LIF: variants seen among roughly 807,000 people sequenced by gnomAD.
LIF encodes leukemia inhibitory factor.
In LIF, 9 loss-of-function variants were observed where a neutral mutation model predicts 15.0. That is an observed-to-expected ratio of 0.60 (90% confidence interval 0.36 to 1.04). LIF has a LOEUF of 1.04. Among genes scored for constraint, LIF ranks in the 50% least tolerant of loss-of-function variants. LIF has a pLI of 0.01. For missense variants in LIF, 240 were observed against 266.7 expected, an observed-to-expected ratio of 0.90 and a Z score of 0.70; for synonymous variants, 122 against 119.7, an observed-to-expected ratio of 1.02 and a Z score of -0.13.
In LIF at chr22:30,244,049, C is replaced by T. The variant is rs1928778413; in HGVS notation, c.211G>A (p.Gly71Arg). 6.2e-7 allele frequency: 1 copy of T among 1,607,688 alleles called. No individual in the cohort carries two copies. Reference sequence around the variant, plus strand: ...TCCAGGTTGTTGGGGAACGGCTCCCCCTGGGCTGTGTACTGAGGGGCAGAA... The same window carrying T: ...TCCAGGTTGTTGGGGAACGGCTCCCTCTGGGCTGTGTACTGAGGGGCAGAA... Reference protein sequence around the residue: ...ALFILYYTAQGEPFPNNLDKL... With the variant: ...ALFILYYTAQREPFPNNLDKL... Residue 71 changes from glycine (G) to arginine (R), a missense_variant, in exon 3 of 3, where the codon GGG (glycine) becomes AGG (arginine). Coordinates refer to ENST00000249075, the MANE Select transcript of LIF (RefSeq NM_002309.5).
At chr22:30,246,352 G>T in intron 1 of LIF, 1 of 532,678 alleles carries the variant, frequency 1.9e-6, no homozygotes, top group Non-Finnish European at 2.7e-6. Context: ...AGTGAATCTG[G>T]GAGAAAGCGC....
In LIF at chr22:30,243,632, C is replaced by A; in HGVS notation, c.*19G>T. ...ACTCCTGAGATCCCTCGGTTCACAGCACACTTCAAGACCTCCTGCTAGAAG... is the reference window on the plus strand; with the variant it reads ...ACTCCTGAGATCCCTCGGTTCACAGAACACTTCAAGACCTCCTGCTAGAAG... On this transcript the variant is annotated 3_prime_UTR_variant, in exon 3 of 3. Transcript: ENST00000249075. This position sits in a 1 kb window ranked among gnomAD's most constrained non-coding sequence, Gnocchi z 6.0. 6.2e-7 allele frequency: 1 copy of A among 1,614,096 alleles called. No homozygotes were observed.
Position 30,246,703 on chromosome 22 carries a change from T to G in LIF, c.-8A>C. 4 of 1,557,390 alleles carry G rather than the reference T, an allele frequency of 2.6e-6. No individual in the cohort carries two copies. In the South Asian group the frequency reaches 3.5e-5, roughly 14 times the overall value. Reference sequence around the variant, plus strand: ...TGCCGCCAAGACCTTCATTATGGGCTGCACTTCAGAGGGCCTTGGAGGAAA... The same window carrying G: ...TGCCGCCAAGACCTTCATTATGGGCGGCACTTCAGAGGGCCTTGGAGGAAA... On this transcript the variant is annotated 5_prime_UTR_variant, in exon 1 of 3. Coordinates refer to ENST00000249075, the MANE Select transcript of LIF (RefSeq NM_002309.5).
chr22:30,244,693 C>T, intron 2 of LIF, 62 bp downstream of exon 2: 1 of 1,498,580 alleles, frequency 6.7e-7, no homozygotes. Context: ...CAGGACAGCC[C>T]CTAATGATAT....
intron 1 of LIF, 172 bp downstream of exon 1, chr22:30,246,505 G>A: frequency 7.8e-7 from 1 of 1,283,600 alleles, no homozygotes; most frequent in Non-Finnish European, 9.8e-7. Context: ...TTGGGACCAT[G>A]TGCCCGCGCT....
At chr22:30,246,237 T>G in intron 1 of LIF, 1 of 167,812 alleles carries the variant, frequency 6.0e-6, no homozygotes, top group Non-Finnish European at 1.2e-5. Flanking sequence ...CAGGCCGGAG[T>G]TTGCAAGCTG....
chr22:30,244,656 G>A, intron 2 of LIF, 99 bp downstream of exon 2: 1 of 1,142,846 alleles, frequency 8.8e-7, no homozygotes, highest in Non-Finnish European at 1.3e-6. Flanking sequence ...TCTCCTTCCA[G>A]CCCCAAAAGG....
rs199651506 is a variant in LIF at position 30,244,776 on chromosome 22, G to C, written c.177C>G (p.Ala59=). 453 of 1,614,172 alleles carry C rather than the reference G, an allele frequency of 2.8e-4. 2 individuals are homozygous for C. The East Asian group carries it at 7.7e-3, about 28-fold the overall frequency. ...TTACATAGAGAATAAAGAGGGCATT[G>C]GCACTGCCATTGAGCTGTGCCAGTT... ...RSQLAQLNGS[A]NALFILYYTA... Residue 59 remains alanine, a synonymous_variant, in exon 2 of 3, where the codon GCC becomes GCG. Coordinates refer to ENST00000249075, the MANE Select transcript of LIF (RefSeq NM_002309.5).
intron 1 of LIF, 181 bp downstream of exon 1, chr22:30,246,496 T>C (rs1928899839): frequency 3.1e-6 from 4 of 1,277,376 alleles, no homozygotes; most frequent in Non-Finnish European, 3.9e-6. Context: ...GTGCGGTGCT[T>C]GGGACCATGT....
chr22:30,246,307 G>A (rs1486162978), intron 1 of LIF: 1 of 364,894 alleles, frequency 2.7e-6, no homozygotes, highest in Non-Finnish European at 4.0e-6. Flanking sequence ...AGGAGAAAGC[G>A]GAAAGAAAGA....
At chr22:30,245,993 G>A (rs1319448523) in intron 1 of LIF, among the ~76,000 whole-genome samples, 1 of 152,240 alleles carries the variant, frequency 6.6e-6, no homozygotes, top group Non-Finnish European at 1.5e-5. Flanking sequence ...GTGGGGGCCG[G>A]GGTCAGCGGG....
At position 30,240,959 on chromosome 22, in the gene LIF, T is replaced by A. The variant is rs1258960886; in HGVS notation, c.*2692A>T. 6.6e-6 allele frequency: 1 copy of A among 152,164 alleles called. No homozygotes were observed. The highest frequency in any genetic ancestry group is 2.4e-5 in the African/African-American group (1 of 41,418). 9.4% of individuals were successfully genotyped at this position (152,164 alleles called of 1,614,324 possible). ...AAACTAGCAGTGCTTTTTAAAAAAATGTTTAAATAATAAATAAGGGCCCGG... is the reference window on the plus strand; with the variant it reads ...AAACTAGCAGTGCTTTTTAAAAAAAAGTTTAAATAATAAATAAGGGCCCGG... On this transcript the variant is annotated 3_prime_UTR_variant, in exon 3 of 3. Transcript: ENST00000249075.
At chr22:30,245,852 G>A (rs1480545463) in intron 1 of LIF, among the ~76,000 whole-genome samples, 1 of 152,208 alleles carries the variant, frequency 6.6e-6, no homozygotes, top group Non-Finnish European at 1.5e-5. Context: ...AAAGTGAAAG[G>A]TGACAGGAGA....
intron 1 of LIF, among the ~76,000 whole-genome samples, chr22:30,245,484 C>T (rs1928850547): frequency 6.6e-6 from 1 of 152,164 alleles, no homozygotes; most frequent in Non-Finnish European, 1.5e-5. Flanking sequence ...CCTCATCTCC[C>T]TCCCAAACCT....
rs1880941057 is a variant in LIF at position 30,242,246 on chromosome 22, A to T, written c.*1405T>A. ...AACCAGCCCCCTGGAATCAAGACAG[A>T]AAGGCACCCGGCCTCTCCACAAATT... On this transcript the variant is annotated 3_prime_UTR_variant, in exon 3 of 3. Coordinates refer to ENST00000249075, the MANE Select transcript of LIF (RefSeq NM_002309.5). 6.6e-6 allele frequency: 1 copy of T among 152,654 alleles called. No homozygotes were observed. Among genetic ancestry groups the T allele is most frequent in the African/African-American group, 2.4e-5 (1 of 41,376 alleles). 9.5% of individuals were successfully genotyped at this position (152,654 alleles called of 1,614,324 possible). A position where few individuals can be genotyped will look rare whatever the true frequency, so the allele number is the denominator to read the frequency against.
Position 30,244,747 on chromosome 22 carries a change from T to C in LIF, c.198+8A>G. The C allele has an allele frequency of 6.2e-7, 1 of 1,612,572 alleles. No individual in the cohort carries two copies. Among genetic ancestry groups the C allele is most frequent in the Non-Finnish European group, 8.5e-7 (1 of 1,178,712 alleles). ...CCATCTCCTGTCAGTATCCCAGGGG[T>C]AACTTACATAGAGAATAAAGAGGGC... is the stretch of plus-strand genomic sequence containing the variant. On this transcript the variant is annotated splice_region_variant and intron_variant, in intron 2 of 2. Coordinates refer to ENST00000249075, the MANE Select transcript of LIF (RefSeq NM_002309.5).
chr22:30,243,295 C>T lies in LIF; in HGVS notation c.*356G>A. 2.6e-6 allele frequency: 1 copy of T among 387,168 alleles called. No homozygotes were observed. Among genetic ancestry groups the T allele is most frequent in the South Asian group, 2.3e-5 (1 of 44,112 alleles). 24.0% of individuals were successfully genotyped at this position (387,168 alleles called of 1,614,324 possible). A position where few individuals can be genotyped will look rare whatever the true frequency, so the allele number is the denominator to read the frequency against. On this transcript the variant is annotated 3_prime_UTR_variant, in exon 3 of 3. Transcript: ENST00000249075. The surrounding 1 kb of genome is among the most constrained non-coding windows in gnomAD (Gnocchi z 6.0). Reference sequence around the variant, plus strand: ...TCCACTCCCCTGGGCCCTGCTGTCTCACCCTGTGGTCAGGGCTCTTGTAGA... The same window carrying T: ...TCCACTCCCCTGGGCCCTGCTGTCTTACCCTGTGGTCAGGGCTCTTGTAGA...
chr22:30,245,833 G>A (rs1233795048), intron 1 of LIF, among the ~76,000 whole-genome samples: 2 of 151,964 alleles, frequency 1.3e-5, no homozygotes, highest in Non-Finnish European at 2.9e-5. Context: ...GGGTGGGCGG[G>A]GAGGAAGGAA....
Position 30,243,191 on chromosome 22 carries a change from T to G in LIF, c.*460A>C. On this transcript the variant is annotated 3_prime_UTR_variant, in exon 3 of 3. Transcript: ENST00000249075. The surrounding 1 kb of genome is among the most constrained non-coding windows in gnomAD (Gnocchi z 6.0). ...CTAGGGGACAAGGAGTCCTTTGGGA[T>G]CCTAGCCCCTCTGGCCCACCTAAGT... The G allele has an allele frequency of 4.2e-6, 1 of 240,584 alleles. No individual in the cohort carries two copies. The allele number at this position is 240,584 out of a possible 1,614,324, so 14.9% of individuals were successfully genotyped here.
Sources: gnomAD v4.1 joint callset for allele counts (sites outside exome capture counted in the v4.1 genomes callset) on GRCh38, gnomAD v4.1.1 for gene constraint, Gnocchi (gnomAD v3.1) non-coding constraint, MANE v1.5 for transcripts, NCBI Gene and HGNC (gene_info 2026-07-23, HGNC 2026-07-21) for gene names.